DNM3: variants seen among roughly 807,000 people sequenced by gnomAD.
DNM3 encodes the protein dynamin-3.
Under a neutral mutation model 101.6 loss-of-function variants are expected in DNM3, and 47 were observed. That is an observed-to-expected ratio of 0.46 (90% CI 0.37 to 0.59). The LOEUF (loss-of-function observed/expected upper bound fraction) is 0.59. Among genes scored for constraint, DNM3 ranks in the 20% least tolerant of loss-of-function variants. The pLI, the probability that DNM3 is intolerant of heterozygous loss-of-function variation, is 0.00. For synonymous variants in DNM3, 385 were observed against 387.9 expected, an observed-to-expected ratio of 0.99 and a Z score of 0.09; for missense variants, 849 against 1,085.7, an observed-to-expected ratio of 0.78 and a Z score of 3.06.
At chr1:172,219,662 G>T (rs999128730) in intron 14 of DNM3, among the ~76,000 whole-genome samples, 13 of 152,230 alleles carry the variant, frequency 8.5e-5, no homozygotes, top group African/African-American at 2.9e-4. Context: ...CTCAATCTGA[G>T]AGGCGTCAGA....
intron 15 of DNM3, among the ~76,000 whole-genome samples, chr1:172,264,996 A>C (rs1039261414): frequency 6.6e-6 from 1 of 152,284 alleles, no homozygotes; most frequent in Middle Eastern, 3.4e-3. Context: ...TTGTGTAGGG[A>C]TTTCAGTTTA....
At chr1:172,184,025 A>T (rs1159272163) in intron 14 of DNM3, among the ~76,000 whole-genome samples, 3 of 151,786 alleles carry the variant, frequency 2.0e-5, no homozygotes, top group African/African-American at 7.3e-5. Context: ...GCTCAGTTAC[A>T]CTCAAGTAAT....
intron 14 of DNM3, chr1:172,137,306 A>G (rs994824243): frequency 5.9e-5 from 9 of 152,204 alleles, no homozygotes; most frequent in African/African-American, 1.9e-4. Flanking sequence ...TTTATTTGCT[A>G]GTAATGGGAC....
chr1:172,037,011 G>C (rs1471622673), intron 6 of DNM3, among the ~76,000 whole-genome samples: 12 of 152,170 alleles, frequency 7.9e-5, no homozygotes, highest in Non-Finnish European at 1.0e-4. Context: ...CAAAAGAAGA[G>C]ATTTATGCAG....
intron 15 of DNM3, among the ~76,000 whole-genome samples, chr1:172,296,571 T>A (rs138795816): frequency 9.8e-5 from 15 of 152,354 alleles, no homozygotes; most frequent in African/African-American, 3.6e-4. Context: ...TATACAGGGA[T>A]GTGGAATTCT....
intron 14 of DNM3, among the ~76,000 whole-genome samples, chr1:172,146,045 T>C (rs950228357): frequency 1.3e-5 from 2 of 152,194 alleles, no homozygotes; most frequent in Non-Finnish European, 2.9e-5. Context: ...TAATTGCCCT[T>C]CTGAAGATCA....
intron 2 of DNM3, among the ~76,000 whole-genome samples, chr1:171,973,357 T>C (rs1034489585): frequency 1.3e-5 from 2 of 152,336 alleles, no homozygotes; most frequent in East Asian, 1.9e-4. Flanking sequence ...TCTTTGAGGC[T>C]AAGGCTTTTG....
intron 14 of DNM3, among the ~76,000 whole-genome samples, chr1:172,227,271 GATATATATAT>G (rs140087796): frequency 0.29 from 22,499 of 78,040 alleles, 2,920 homozygotes; most frequent in Admixed American, 0.35. Context: ...AGTATTTTGT[GATATATATAT>G]ATATATATAT....
chr1:172,143,421 G>T (rs1195966878), intron 14 of DNM3, among the ~76,000 whole-genome samples: 1 of 152,128 alleles, frequency 6.6e-6, no homozygotes, highest in African/African-American at 2.4e-5. Flanking sequence ...GACCTCTAAA[G>T]TTCAGCACAG....
intron 1 of DNM3, among the ~76,000 whole-genome samples, chr1:171,849,329 T>A (rs1383875905): frequency 6.6e-6 from 1 of 152,208 alleles, no homozygotes; most frequent in East Asian, 1.9e-4. Context: ...AGTTCCTTCA[T>A]CTGCAAAATA....
rs1420918056 is a variant in DNM3 at position 172,410,604 on chromosome 1, G to C, written c.*2763G>C. 1.0e-6 allele frequency: 1 copy of C among 984,796 alleles called. No homozygotes were observed. The highest frequency in any genetic ancestry group is 6.1e-5 in the Admixed American group (1 of 16,272). The allele number at this position is 984,796 out of a possible 1,614,324, so 61.0% of individuals were successfully genotyped here. A position where few individuals can be genotyped will look rare whatever the true frequency, so the allele number is the denominator to read the frequency against. On this transcript the variant is annotated 3_prime_UTR_variant, in exon 21 of 21. Coordinates refer to ENST00000627582, the MANE Select transcript of DNM3 (RefSeq NM_015569.5). ...TTGAAATAGTATTGATTTAGAAAAA[G>C]TATATTGCATTTCTAAAAAACATCT...
At chr1:172,056,956 G>A (rs920059694) in intron 10 of DNM3, among the ~76,000 whole-genome samples, 2 of 152,038 alleles carry the variant, frequency 1.3e-5, no homozygotes, top group African/African-American at 2.4e-5. Context: ...AAAAAATTTA[G>A]ACGAATGTAT....
chr1:172,230,673 A>G (rs2061302190), intron 14 of DNM3, among the ~76,000 whole-genome samples: 7 of 151,988 alleles, frequency 4.6e-5, no homozygotes, highest in Admixed American at 1.3e-4. Context: ...GGTGTATAGT[A>G]CTTCCTCTGT....
intron 10 of DNM3, among the ~76,000 whole-genome samples, chr1:172,050,554 T>C (rs959620238): frequency 1.3e-5 from 2 of 152,230 alleles, no homozygotes; most frequent in African/African-American, 4.8e-5. Flanking sequence ...TGAAAAGACT[T>C]GATAACTGTT....
At chr1:172,292,234 T>C (rs2063949616) in intron 15 of DNM3, among the ~76,000 whole-genome samples, 1 of 152,200 alleles carries the variant, frequency 6.6e-6, no homozygotes, top group African/African-American at 2.4e-5. Flanking sequence ...CAAGTTGATA[T>C]TATAATCCCC....
chr1:171,945,529 A>G (rs942163708), intron 2 of DNM3, among the ~76,000 whole-genome samples: 25 of 152,222 alleles, frequency 1.6e-4, no homozygotes, highest in Non-Finnish European at 2.9e-4. Context: ...TATTTCAAAA[A>G]TTTTAAATCC....
In DNM3 at chr1:172,409,637, T is replaced by C; in HGVS notation, c.*1796T>C. ...TTGTGAATGGAACCAATGTGCAAGA[T>C]ACATACTGCATTTTTAAAATAGTGT... On this transcript the variant is annotated 3_prime_UTR_variant, in exon 21 of 21. Coordinates refer to ENST00000627582, the MANE Select transcript of DNM3 (RefSeq NM_015569.5). 3.0e-6 allele frequency: 3 copies of C among 985,760 alleles called. No individual in the cohort carries two copies. Among genetic ancestry groups the C allele is most frequent in the Non-Finnish European group, 3.6e-6 (3 of 829,864 alleles). 61.1% of individuals were successfully genotyped at this position (985,760 alleles called of 1,614,324 possible). A position where few individuals can be genotyped will look rare whatever the true frequency, so the allele number is the denominator to read the frequency against.
Position 172,193,368 on chromosome 1 carries a change from G to A in DNM3, c.1660-60205G>A, listed in dbSNP as rs1464533892. Among the ~76,000 whole-genome samples the A allele has an allele frequency of 3.9e-5, 6 of 152,110 alleles. No individual in the cohort carries two copies. In the East Asian group the frequency reaches 5.8e-4, roughly 15 times the overall value. ...AGGCTTTGGTATTAGGATGATGTTG[G>A]CCTCATAAAATGCATTAGGGAGGAT... On this transcript the variant is annotated intron_variant, in intron 14 of 20. Transcript: ENST00000627582.
intron 1 of DNM3, among the ~76,000 whole-genome samples, chr1:171,900,230 G>A (rs1452011707): frequency 6.6e-6 from 1 of 152,156 alleles, no homozygotes; most frequent in Non-Finnish European, 1.5e-5. Context: ...ATTCAAATTA[G>A]GACACGATGC....
Sources: gnomAD v4.1 joint callset for allele counts (sites outside exome capture counted in the v4.1 genomes callset) on GRCh38, gnomAD v4.1.1 for gene constraint, MANE v1.5 for transcripts, NCBI Gene and HGNC (gene_info 2026-07-23, HGNC 2026-07-21) for gene names.